The following RALY variants were observed in gnomAD, a reference collection of about 807,000 sequenced individuals.
RALY encodes RALY heterogeneous nuclear ribonucleoprotein.
In RALY, 15 loss-of-function variants were observed where a neutral mutation model predicts 30.7. That is an observed-to-expected ratio of 0.49 (90% CI 0.33 to 0.75). The LOEUF (loss-of-function observed/expected upper bound fraction) is 0.75, where lower values mean the gene tolerates loss of function less well. Ranked by LOEUF, RALY falls within the 30% of genes least tolerant of loss-of-function variation. The pLI is 0.02. For missense variants in RALY, 339 were observed against 414.3 expected (o/e 0.82, Z 1.58); for synonymous variants, 177 against 170.8 (o/e 1.04, Z -0.28).
intron 1 of RALY, among the ~76,000 whole-genome samples, chr20:34,017,960 C>T (rs2031671040): frequency 6.6e-6 from 1 of 152,226 alleles, no homozygotes. Context: ...TTCTGAGATT[C>T]CAAAGGCATG....
intron 5 of RALY, 59 bp from the exon 6 acceptor site, chr20:34,075,815 C>T: frequency 1.9e-6 from 3 of 1,545,422 alleles, no homozygotes; most frequent in Non-Finnish European, 2.6e-6. Context: ...GCCGGAGCTG[C>T]AATACCGCCC....
At chr20:34,056,399 A>G (rs1193095259) in intron 2 of RALY, among the ~76,000 whole-genome samples, 2 of 152,122 alleles carry the variant, frequency 1.3e-5, no homozygotes, top group Admixed American at 1.3e-4. Context: ...CCAAGTTCCT[A>G]GTTGCTCCTG....
intron 1 of RALY, among the ~76,000 whole-genome samples, chr20:34,009,262 C>T (rs1043288114): frequency 4.0e-5 from 6 of 151,498 alleles, no homozygotes; most frequent in East Asian, 2.0e-4. Context: ...GTTTTTGAGA[C>T]GGAGTCTCGC....
chr20:34,003,453 G>A (rs1198323422), intron 1 of RALY, among the ~76,000 whole-genome samples: 1 of 152,084 alleles, frequency 6.6e-6, no homozygotes, highest in Non-Finnish European at 1.5e-5. Flanking sequence ...AGCAGGGAGA[G>A]TGATCTCAGC....
At position 34,077,198 on chromosome 20, in the gene RALY, G is replaced by C; in HGVS notation, c.829G>C (p.Asp277His). The change falls in exon 8 of 10, where the codon GAC becomes CAC. Residue 277 changes from aspartate to histidine, a missense_variant. By Grantham distance (81) the Asp-to-His change is moderately conservative. This residue lies in a region of RALY where 268 missense variants were observed against 280.6 expected (regional missense o/e 0.95). Coordinates refer to ENST00000246194, the MANE Select transcript of RALY (RefSeq NM_016732.3). Reference protein sequence around the residue: ...GLPQGEARTRDDGDEEGLLTH... With the variant: ...GLPQGEARTRHDGDEEGLLTH... Reference sequence around the variant, plus strand: ...GCCCCAGGGGGAAGCACGGACCCGAGACGACGGCGATGAGGAAGGGCTCCT... The same window carrying C: ...GCCCCAGGGGGAAGCACGGACCCGACACGACGGCGATGAGGAAGGGCTCCT... 6.2e-7 allele frequency: 1 copy of C among 1,613,882 alleles called. No individual in the cohort carries two copies. The highest frequency in any genetic ancestry group is 2.2e-5 in the East Asian group (1 of 44,870).
chr20:34,035,294 C>G lies in RALY; in HGVS notation c.-10+3690C>G, dbSNP rs142192754. ...ATTTCTGTGGTAGTTTTGGGTTCCT[C>G]TCGAAGGCTAGAGTTATCAGAAAAT... On this transcript the variant is annotated intron_variant, in intron 2 of 9. Coordinates refer to ENST00000246194, the MANE Select transcript of RALY (RefSeq NM_016732.3). 1.1e-3 allele frequency among the ~76,000 whole-genome samples: 167 copies of G among 150,994 alleles called. 1 individual carries two copies. Among genetic ancestry groups the G allele is most frequent in the African/African-American group, 3.9e-3 (159 of 41,240 alleles).
chr20:34,016,064 C>G (rs2031596664), intron 1 of RALY, among the ~76,000 whole-genome samples: 1 of 152,160 alleles, frequency 6.6e-6, no homozygotes, highest in African/African-American at 2.4e-5. Context: ...ACTGTTCACT[C>G]CCTTACATCT....
rs528572157 is a variant in RALY at position 34,077,141 on chromosome 20, C to G, written c.772C>G (p.Pro258Ala). 2 of 1,612,712 alleles carry G rather than the reference C, an allele frequency of 1.2e-6. No homozygotes were observed. The highest frequency in any genetic ancestry group is 2.2e-5 in the South Asian group (2 of 91,006). Residue 258 changes from proline (P) to alanine (A), a missense_variant, in exon 8 of 10, where the codon CCC becomes GCC. Physicochemically the swap from Pro to Ala is conservative, Grantham distance 27 (BLOSUM62 -1). This residue lies in a region of RALY where 268 missense variants were observed against 280.6 expected (regional missense o/e 0.95). Coordinates refer to ENST00000246194, the MANE Select transcript of RALY (RefSeq NM_016732.3). ...CGGTGGCAGCAGCCGGCCACCAGCC[C>G]CCCAAGAGAACACAACTTCTGAGGC... Reference protein sequence around the residue: ...GGGGSSRPPAPQENTTSEAGL... With the variant: ...GGGGSSRPPAAQENTTSEAGL...
chr20:34,057,539 C>T (rs1259112361), intron 2 of RALY, among the ~76,000 whole-genome samples: 2 of 151,752 alleles, frequency 1.3e-5, no homozygotes, highest in African/African-American at 4.8e-5. Flanking sequence ...TGGTGGCGGG[C>T]GCCTGTAGTC....
chr20:34,015,911 C>G (rs1365442361), intron 1 of RALY, among the ~76,000 whole-genome samples: 1 of 152,106 alleles, frequency 6.6e-6, no homozygotes, highest in Non-Finnish European at 1.5e-5. Flanking sequence ...AAGTATCTCC[C>G]TTACACTTTC....
chr20:34,036,529 G>A (rs754818804), intron 2 of RALY, among the ~76,000 whole-genome samples: 15 of 152,100 alleles, frequency 9.9e-5, no homozygotes, highest in Non-Finnish European at 2.2e-4. Context: ...TCTGCTTTTG[G>A]CATTAGGGTG....
intron 2 of RALY, among the ~76,000 whole-genome samples, chr20:34,057,219 G>A (rs2033271877): frequency 6.6e-6 from 1 of 152,128 alleles, no homozygotes; most frequent in Admixed American, 6.5e-5. Context: ...AACATAATGT[G>A]CAAGAAAAAC....
At chr20:34,072,388 C>G (rs371745856) in intron 3 of RALY, 58 bp downstream of exon 3, 1 of 1,549,792 alleles carries the variant, frequency 6.5e-7, no homozygotes, top group East Asian at 2.3e-5. Context: ...CTATCACTAT[C>G]CAGTTCTCAA....
intron 2 of RALY, among the ~76,000 whole-genome samples, chr20:34,069,039 G>A (rs1418613841): frequency 6.6e-6 from 1 of 152,172 alleles, no homozygotes; most frequent in East Asian, 1.9e-4. Context: ...TTCTCACCCA[G>A]AGCAGCATTT....
chr20:34,009,019 A>G (rs1460374222), intron 1 of RALY, among the ~76,000 whole-genome samples: 2 of 152,096 alleles, frequency 1.3e-5, no homozygotes, highest in South Asian at 2.1e-4. Flanking sequence ...CAGTGGAGAT[A>G]GTATGTATGT....
chr20:34,035,171 A>AAAAAAAAC (rs1568669686), intron 2 of RALY, among the ~76,000 whole-genome samples: 1 of 133,208 alleles, frequency 7.5e-6, no homozygotes, highest in Non-Finnish European at 1.5e-5. Context: ...AAAAAAAAAA[A>AAAAAAAAC]AAAAAAAAAA....
chr20:34,001,860 G>A (rs1601397101), intron 1 of RALY, among the ~76,000 whole-genome samples: 1 of 152,050 alleles, frequency 6.6e-6, no homozygotes, highest in South Asian at 2.1e-4. Context: ...TCTGCCTCCC[G>A]GGTTCATGCC....
intron 2 of RALY, among the ~76,000 whole-genome samples, chr20:34,055,188 C>A (rs1276948263): frequency 2.0e-5 from 3 of 152,098 alleles, no homozygotes; most frequent in African/African-American, 7.2e-5. Context: ...TAAAACAACC[C>A]CAAAAAGAGC....
At position 34,072,081 on chromosome 20, in the gene RALY, T is replaced by C; in HGVS notation, c.7T>C (p.Leu3=). 1 of 1,614,162 alleles carries C rather than the reference T, an allele frequency of 6.2e-7. No homozygotes were observed. The highest frequency in any genetic ancestry group is 8.5e-7 in the Non-Finnish European group (1 of 1,179,960). Residue 3 remains leucine, a synonymous_variant, in exon 3 of 10, where the codon TTG becomes CTG. Transcript: ENST00000246194. MS[L]KLQASNVTNK... ...TTTTCTTCAGGTGGGCACCATGTCC[T>C]TGAAGCTTCAGGCAAGCAATGTAAC...
Sources: allele counts gnomAD v4.1 joint callset (sites outside exome capture counted in the v4.1 genomes callset), GRCh38; gene constraint gnomAD v4.1.1; regional missense constraint gnomAD v4.1.1; transcripts MANE v1.5; gene names NCBI Gene and HGNC (gene_info 2026-07-23, HGNC 2026-07-21).